The following ITPR2 variants were observed in gnomAD, a reference collection of about 807,000 sequenced individuals.
ITPR2 encodes the protein inositol 1,4,5-trisphosphate receptor type 2.
Under a neutral mutation model 317.1 loss-of-function variants are expected in ITPR2, and 207 were observed. That is an observed-to-expected ratio of 0.65 (90% confidence interval 0.58 to 0.73). The LOEUF is 0.73. ITPR2 is among the 30% of genes least tolerant of loss of function. The pLI is 0.00. For synonymous variants in ITPR2, 1,156 were observed against 1,149.1 expected, an observed-to-expected ratio of 1.01 and a Z score of -0.12; for missense variants, 2,613 against 3,284.0, an observed-to-expected ratio of 0.80 and a Z score of 4.99.
At chr12:26,554,912 C>T (rs1299652145) in intron 36 of ITPR2, among the ~76,000 whole-genome samples, 2 of 152,010 alleles carry the variant, frequency 1.3e-5, no homozygotes, top group East Asian at 1.9e-4. Context: ...CGCTCAACAC[C>T]CTATTTTTAT....
chr12:26,404,523 C>T (rs182808172), intron 52 of ITPR2, among the ~76,000 whole-genome samples: 1 of 152,184 alleles, frequency 6.6e-6, no homozygotes, highest in East Asian at 1.9e-4. Flanking sequence ...AAAAAATAGT[C>T]ACTGGATTAA....
At chr12:26,643,362 G>C (rs568392691) in intron 21 of ITPR2, among the ~76,000 whole-genome samples, 7 of 152,346 alleles carry the variant, frequency 4.6e-5, no homozygotes, top group East Asian at 1.9e-4. Context: ...ATGTAGAAGT[G>C]CTTTGAAACT....
Position 26,659,415 on chromosome 12 carries a change from CA to C in ITPR2, c.1714-131del, listed in dbSNP as rs756081302. ...ACTAAAAATTTTCTCAAAAGAAAAGCAAGTAAATTTTTCAATAAATAGAGCT... is the reference window on the plus strand; with the variant it reads ...ACTAAAAATTTTCTCAAAAGAAAAGCAGTAAATTTTTCAATAAATAGAGCT... On this transcript the variant is annotated intron_variant, in intron 15 of 56. Transcript: ENST00000381340. 1.3e-3 allele frequency: 950 copies of C among 758,132 alleles called. 2 individuals carry two copies. Among genetic ancestry groups the C allele is most frequent in the Non-Finnish European group, 1.8e-3 (850 of 477,796 alleles). The allele number at this position is 758,132 out of a possible 1,614,324, so 47.0% of individuals were successfully genotyped here. A position where few individuals can be genotyped will look rare whatever the true frequency, so the allele number is the denominator to read the frequency against.
intron 21 of ITPR2, 142 bp from the exon 22 acceptor site, chr12:26,632,201 G>T: frequency 2.0e-6 from 1 of 490,178 alleles, no homozygotes; most frequent in Non-Finnish European, 3.3e-6. Flanking sequence ...CATTGTTTGG[G>T]CTCTTTCTTT....
At chr12:26,352,879 G>C (rs1230701647) in intron 55 of ITPR2, among the ~76,000 whole-genome samples, 1 of 152,218 alleles carries the variant, frequency 6.6e-6, no homozygotes, top group Non-Finnish European at 1.5e-5. Flanking sequence ...TTCCACCTCT[G>C]CATCCAGTGA....
At chr12:26,687,766 T>C (rs1948157452) in intron 10 of ITPR2, among the ~76,000 whole-genome samples, 1 of 152,208 alleles carries the variant, frequency 6.6e-6, no homozygotes, top group African/African-American at 2.4e-5. Context: ...AGGATTGTTA[T>C]CTGCTAAAGC....
intron 34 of ITPR2, among the ~76,000 whole-genome samples, chr12:26,576,449 TC>T (rs1465993552): frequency 6.6e-6 from 1 of 152,226 alleles, no homozygotes. Flanking sequence ...CACTTCCTCT[TC>T]CTGTACCTCT....
chr12:26,772,881 T>C (rs1949897879), intron 2 of ITPR2, among the ~76,000 whole-genome samples: 1 of 152,084 alleles, frequency 6.6e-6, no homozygotes. Context: ...ATTAGGTATT[T>C]GTCCTAATAG....
rs548715656 is a variant in ITPR2 at position 26,414,856 on chromosome 12, T to C, written c.7306+447A>G. ...GCAAATTTCTTATGATCTGGTGGTT[T>C]CAAATCAAAGCATTTATCATTTTCA... On this transcript the variant is annotated intron_variant, in intron 51 of 56. Coordinates refer to ENST00000381340, the MANE Select transcript of ITPR2 (RefSeq NM_002223.4). Among the ~76,000 whole-genome samples, 11 of 152,280 alleles carry C rather than the reference T, an allele frequency of 7.2e-5. No individual in the cohort carries two copies. The South Asian group carries it at 2.1e-3, about 29-fold the overall frequency.
intron 2 of ITPR2, among the ~76,000 whole-genome samples, chr12:26,734,168 G>C (rs1949076703): frequency 6.6e-6 from 1 of 152,138 alleles, no homozygotes; most frequent in Admixed American, 6.5e-5. Context: ...AACTCAGAAT[G>C]TTTTAGAGCT....
chr12:26,566,172 G>GA (rs1944977871), intron 34 of ITPR2, among the ~76,000 whole-genome samples: 2 of 123,116 alleles, frequency 1.6e-5, no homozygotes, highest in Non-Finnish European at 3.5e-5. Context: ...AAGAGGAGAG[G>GA]GGAGAGGAGA....
At chr12:26,737,786 A>G (rs1028957595) in intron 2 of ITPR2, among the ~76,000 whole-genome samples, 1 of 152,218 alleles carries the variant, frequency 6.6e-6, no homozygotes, top group African/African-American at 2.4e-5. Flanking sequence ...GCTCAAAGTT[A>G]AAGCACTATG....
At chr12:26,367,586 GGAAACTAAATGAA>G (rs1398683905) in intron 55 of ITPR2, among the ~76,000 whole-genome samples, 1 of 152,086 alleles carries the variant, frequency 6.6e-6, no homozygotes, top group Non-Finnish European at 1.5e-5. Context: ...ACGCAGATAG[GGAAACTAAATGAA>G]AAATGAAGTT....
At chr12:26,485,589 T>C (rs1340750735) in intron 41 of ITPR2, among the ~76,000 whole-genome samples, 2 of 152,252 alleles carry the variant, frequency 1.3e-5, no homozygotes, top group African/African-American at 4.8e-5. Flanking sequence ...GGAAAGAAGA[T>C]ATGACACTGA....
chr12:26,796,879 C>CA (rs1284811304), intron 1 of ITPR2, among the ~76,000 whole-genome samples: 1 of 151,680 alleles, frequency 6.6e-6, no homozygotes. Context: ...ACTAAAAATA[C>CA]AAAAACAATC....
At chr12:26,451,692 C>G (rs1006260932) in intron 45 of ITPR2, among the ~76,000 whole-genome samples, 1 of 152,068 alleles carries the variant, frequency 6.6e-6, no homozygotes, top group Non-Finnish European at 1.5e-5. Context: ...TTCAAATGAT[C>G]TAGACTCCTA....
In ITPR2 at chr12:26,715,784, A is replaced by C; in HGVS notation, c.676T>G (p.Tyr226Asp). The part of the protein sequence containing the change: ...TSWKITLFMK[Y>D]SSYREDVLKG... The stretch of plus-strand genomic sequence containing the variant: ...AATACATCCTCTCGATAGGAACTAT[A>C]TTTCATGAATAAAGTGATTTTCCAG... Residue 226 changes from tyrosine (Y) to aspartate (D), a missense_variant, in exon 7 of 57, where the codon TAT becomes GAT. By Grantham distance (160) the Tyr-to-Asp change is radical. Around this residue, in one of 9 missense-constraint regions of ITPR2, gnomAD observed 515 missense variants for 789.4 expected, o/e 0.65. Transcript: ENST00000381340. 6.2e-7 allele frequency: 1 copy of C among 1,609,656 alleles called. No homozygotes were observed. The highest frequency in any genetic ancestry group is 8.5e-7 in the Non-Finnish European group (1 of 1,176,418).
rs369609623 is a variant in ITPR2 at position 26,438,368 on chromosome 12, TGAATA to T, written c.6643+754_6643+758del. ...GAAAACTACCATAATGAAATACTGT[TGAATA>T]GAAGTATTGAGAACATATCCTGTTT... is the stretch of plus-strand genomic sequence containing the variant. On this transcript the variant is annotated intron_variant, in intron 47 of 56. Coordinates refer to ENST00000381340, the MANE Select transcript of ITPR2 (RefSeq NM_002223.4). Among the ~76,000 whole-genome samples the T allele has an allele frequency of 5.7e-3, 872 of 152,250 alleles. 6 individuals carry two copies. The highest frequency in any genetic ancestry group is 0.018 in the African/African-American group (733 of 41,528).
intron 1 of ITPR2, among the ~76,000 whole-genome samples, chr12:26,814,067 A>T (rs1041336582): frequency 6.6e-6 from 1 of 152,174 alleles, no homozygotes; most frequent in Admixed American, 6.5e-5. Flanking sequence ...CGAGCCAGCC[A>T]TTGCAACAGT....
Sources: allele counts gnomAD v4.1 joint callset (sites outside exome capture counted in the v4.1 genomes callset), GRCh38; gene constraint gnomAD v4.1.1; regional missense constraint gnomAD v4.1.1; transcripts MANE v1.5; gene names NCBI Gene and HGNC (gene_info 2026-07-23, HGNC 2026-07-21).